The following HCLS1 variants were observed in gnomAD, a reference collection of about 807,000 sequenced individuals.
HCLS1 encodes the protein hematopoietic lineage cell-specific protein.
HCLS1 carries 44 observed loss-of-function variants against 68.6 expected under a neutral mutation model. The observed-to-expected ratio is 0.64, with a 90% CI of 0.50 to 0.82. HCLS1 has a LOEUF of 0.82. HCLS1 is among the 40% of genes least tolerant of loss of function. HCLS1 has a pLI of 0.00. For synonymous variants in HCLS1, 217 were observed against 225.8 expected, an observed-to-expected ratio of 0.96 and a Z score of 0.35; for missense variants, 602 against 612.1, an observed-to-expected ratio of 0.98 and a Z score of 0.17.
At chr3:121,648,345 C>A (rs533472674) in intron 3 of HCLS1, among the ~76,000 whole-genome samples, 1 of 152,254 alleles carries the variant, frequency 6.6e-6, no homozygotes, top group African/African-American at 2.4e-5. Flanking sequence ...TCCATCTTTA[C>A]CATGAAGGTG....
At chr3:121,644,687 C>A in intron 5 of HCLS1, 131 bp downstream of exon 5, 1 of 775,876 alleles carries the variant, frequency 1.3e-6, no homozygotes, top group Non-Finnish European at 2.4e-6. Flanking sequence ...ATCCCTGTGA[C>A]GGTGTCAGGT....
intron 3 of HCLS1, among the ~76,000 whole-genome samples, chr3:121,648,625 T>C (rs1248641066): frequency 1.3e-5 from 2 of 152,236 alleles, no homozygotes; most frequent in Non-Finnish European, 2.9e-5. Context: ...ACATTGGTTA[T>C]ACGTAGAATG....
rs1206355526 is a variant in HCLS1, at chr3:121,647,447, T to C, written c.160A>G (p.Ile54Val). 2 of 1,613,986 alleles carry C rather than the reference T, an allele frequency of 1.2e-6. No individual in the cohort carries two copies. The highest frequency in any genetic ancestry group is 1.7e-6 in the Non-Finnish European group (2 of 1,180,016). The stretch of plus-strand genomic sequence containing the variant: ...GATACTTTGTTCCTCAGCTGGTGGA[T>C]GCTGGAAGAAACCACATGACCAAGG... ...EGSGRTEHIN[I>V]HQLRNKVSEE... Residue 54 changes from isoleucine to valine, a missense_variant and splice_region_variant, in exon 4 of 14, where the codon ATC (isoleucine) becomes GTC (valine). Transcript: ENST00000314583.
chr3:121,658,849 A>G (rs1937929905), intron 1 of HCLS1, among the ~76,000 whole-genome samples: 1 of 152,170 alleles, frequency 6.6e-6, no homozygotes, highest in Non-Finnish European at 1.5e-5. Context: ...GCTGAACTAC[A>G]CTGAGAATTT....
intron 4 of HCLS1, among the ~76,000 whole-genome samples, chr3:121,646,396 G>A (rs1259353430): frequency 2.0e-5 from 1 of 50,458 alleles, no homozygotes; most frequent in Admixed American, 4.0e-4. Flanking sequence ...ATATTACTAT[G>A]TAATATATTA....
chr3:121,654,027 T>C (rs1402709834), intron 3 of HCLS1: 1 of 152,216 alleles, frequency 6.6e-6, no homozygotes, highest in Non-Finnish European at 1.5e-5. Context: ...CAGGCTGGAG[T>C]ACAGTGGCTA....
chr3:121,657,054 G>T (rs959897692), intron 3 of HCLS1: 4 of 434,522 alleles, frequency 9.2e-6, no homozygotes, highest in Non-Finnish European at 1.2e-5. Context: ...AGGTATAAAA[G>T]ATAGATAATA....
chr3:121,641,677 A>G (rs965897502), intron 6 of HCLS1, among the ~76,000 whole-genome samples: 1 of 152,206 alleles, frequency 6.6e-6, no homozygotes, highest in African/African-American at 2.4e-5. Context: ...ATTGTGATTA[A>G]TTTTAAATTT....
intron 5 of HCLS1, 42 bp downstream of exon 5, chr3:121,644,776 A>T: frequency 7.2e-7 from 1 of 1,381,984 alleles, no homozygotes; most frequent in Non-Finnish European, 1.0e-6. Flanking sequence ...CAATTTTCAC[A>T]GGACTGGAGG....
intron 4 of HCLS1, 128 bp from the exon 5 acceptor site, chr3:121,645,056 T>C (rs751537571): frequency 5.9e-5 from 41 of 700,102 alleles, no homozygotes; most frequent in Non-Finnish European, 9.6e-5. Context: ...CCTCTGACAG[T>C]GGTGCCAAGG....
At chr3:121,644,973 CT>C in intron 4 of HCLS1, 45 bp from the exon 5 acceptor site, 1 of 1,448,570 alleles carries the variant, frequency 6.9e-7, no homozygotes, top group East Asian at 2.3e-5. Flanking sequence ...TAAAAATGAC[CT>C]TAAAAAAATA....
chr3:121,640,376 C>G (rs1438681641), intron 6 of HCLS1, among the ~76,000 whole-genome samples: 1 of 152,074 alleles, frequency 6.6e-6, no homozygotes, highest in Non-Finnish European at 1.5e-5. Context: ...AACAAATATC[C>G]CTCTCCTTCA....
chr3:121,640,103 GAAGTT>G (rs1455292853), intron 6 of HCLS1, among the ~76,000 whole-genome samples: 1 of 152,134 alleles, frequency 6.6e-6, no homozygotes, highest in Non-Finnish European at 1.5e-5. Flanking sequence ...AAATCTTACA[GAAGTT>G]AAAAAGAAGA....
At position 121,631,609 on chromosome 3, in the gene HCLS1, G is replaced by A. The variant is rs921343077; in HGVS notation, c.*237C>T. On this transcript the variant is annotated 3_prime_UTR_variant, in exon 14 of 14. Transcript: ENST00000314583. ...GGGGTGGCAGAGAGGTGTTCATTGG[G>A]AAGGAGTCAGGAACACAAGAGAAAT... The A allele has an allele frequency of 3.5e-5, 17 of 491,688 alleles. No homozygotes were observed. Among genetic ancestry groups the A allele is most frequent in the African/African-American group, 1.4e-4 (7 of 51,756 alleles). 30.5% of individuals were successfully genotyped at this position (491,688 alleles called of 1,614,324 possible).
chr3:121,646,620 T>TTATACTTATATA (rs1937610974), intron 4 of HCLS1, among the ~76,000 whole-genome samples: 1 of 115,006 alleles, frequency 8.7e-6, no homozygotes, highest in Non-Finnish European at 1.6e-5. Flanking sequence ...TTATTATATA[T>TTATACTTATATA]TATATATTAT....
At position 121,635,801 on chromosome 3, in the gene HCLS1, C is replaced by A. The variant is rs780143738; in HGVS notation, c.625G>T (p.Ala209Ser). ...GIQKDRVDKS[A>S]VGFNEMEAPT... is the part of the protein sequence containing the mutation. Reference sequence around the variant, plus strand: ...GCCTCCATTTCATTGAAGCCGACAGCGCTCTGCAGGCAGGAGAACAGCATG... The same window carrying A: ...GCCTCCATTTCATTGAAGCCGACAGAGCTCTGCAGGCAGGAGAACAGCATG... The change falls in exon 9 of 14, where the codon GCT becomes TCT. Residue 209 changes from alanine to serine, a missense_variant. By Grantham distance (99) the Ala-to-Ser change is moderately conservative. Transcript: ENST00000314583. The A allele has an allele frequency of 6.2e-7, 1 of 1,613,840 alleles. No homozygotes were observed. The highest frequency in any genetic ancestry group is 2.2e-5 in the East Asian group (1 of 44,876).
At position 121,658,283 on chromosome 3, in the gene HCLS1, T is replaced by C. The variant is rs773774670; in HGVS notation, c.65A>G (p.Asp22Gly). ...VSVETQGDDW[D>G]TDPDFVNDIS... is the part of the protein sequence containing the mutation. ...ACTCACCACAAAGTCAGGATCTGTGTCCCAATCATCACCCTGGGTCTCCAC... is the reference window on the plus strand; with the variant it reads ...ACTCACCACAAAGTCAGGATCTGTGCCCCAATCATCACCCTGGGTCTCCAC... The change falls in exon 2 of 14, where the codon GAC becomes GGC. Residue 22 changes from aspartate to glycine, a missense_variant. Physicochemically the swap from Asp to Gly is moderately conservative, Grantham distance 94. Transcript: ENST00000314583. 1 of 1,613,782 alleles carries C rather than the reference T, an allele frequency of 6.2e-7. No homozygotes were observed. Among genetic ancestry groups the C allele is most frequent in the East Asian group, 2.2e-5 (1 of 44,862 alleles).
At chr3:121,640,328 G>A (rs185708457) in intron 6 of HCLS1, among the ~76,000 whole-genome samples, 210 of 152,142 alleles carry the variant, frequency 1.4e-3, no homozygotes, top group Middle Eastern at 3.4e-3. Flanking sequence ...CCCTGGATGA[G>A]GTACTTACTA....
chr3:121,645,493 C>A (rs1001922349), intron 4 of HCLS1, among the ~76,000 whole-genome samples: 2 of 152,090 alleles, frequency 1.3e-5, no homozygotes, highest in Admixed American at 6.6e-5. Flanking sequence ...AGAGAAGTTG[C>A]AACATAGACA....
Sources: gnomAD v4.1 joint callset for allele counts (sites outside exome capture counted in the v4.1 genomes callset) on GRCh38, gnomAD v4.1.1 for gene constraint, MANE v1.5 for transcripts, NCBI Gene and HGNC (gene_info 2026-07-23, HGNC 2026-07-21) for gene names.